The following A3GALT2 variants were observed in gnomAD, a reference collection of about 807,000 sequenced individuals.
A3GALT2 encodes alpha-1,3-galactosyltransferase 2.
A3GALT2 carries 14 observed loss-of-function variants against 16.6 expected under a neutral mutation model. The ratio of observed to expected loss-of-function variants is 0.84; its 90% CI spans 0.56 to 1.32. The LOEUF (loss-of-function observed/expected upper bound fraction) is 1.32. Ranked by LOEUF, A3GALT2 falls within the 40% of genes most tolerant of loss-of-function variation. A3GALT2 has a pLI of 0.00. For missense variants in A3GALT2, 600 were observed against 490.9 expected (o/e 1.22, Z -2.10); for synonymous variants, 253 against 218.0 (o/e 1.16, Z -1.42).
intron 4 of A3GALT2, among the ~76,000 whole-genome samples, chr1:33,310,059 C>T (rs1455702828): frequency 3.3e-5 from 5 of 152,250 alleles, no homozygotes; most frequent in African/African-American, 7.2e-5. Context: ...CCCGGCACCT[C>T]GGGAGGCCGA....
intron 3 of A3GALT2, 25 bp downstream of exon 3, chr1:33,312,476 A>G: frequency 6.4e-7 from 1 of 1,556,078 alleles, no homozygotes; most frequent in Non-Finnish European, 8.7e-7. Flanking sequence ...GTGCCCTTGG[A>G]GTAGGAGGGA....
chr1:33,312,659 G>A, intron 2 of A3GALT2, 69 bp from the exon 3 acceptor site: 1 of 1,479,102 alleles, frequency 6.8e-7, no homozygotes, highest in Non-Finnish European at 9.2e-7. Flanking sequence ...GGAGCCCTCT[G>A]GCTTTGCTTC....
At chr1:33,309,418 C>T (rs1193868806) in intron 4 of A3GALT2, among the ~76,000 whole-genome samples, 53 of 148,528 alleles carry the variant, frequency 3.6e-4, no homozygotes, top group Non-Finnish European at 4.0e-4. Context: ...CCCTCCCGGA[C>T]GGGGCGGCTG....
In A3GALT2 at chr1:33,307,162, C is replaced by A; in HGVS notation, c.627G>T (p.Gly209=). ...DVDQHFSGTF[G]PEALAESVAQ... ...CCACCGACTCGGCCAGCGCCTCGGG[C>A]CCAAAAGTGCCGCTGAAGTGCTGGT... The change falls in exon 5 of 5, where the codon GGG becomes GGT. Residue 209 remains glycine, a synonymous_variant. Coordinates refer to ENST00000442999, the MANE Select transcript of A3GALT2 (RefSeq NM_001080438.1). The A allele has an allele frequency of 6.4e-7, 1 of 1,553,028 alleles. No homozygotes were observed. The highest frequency in any genetic ancestry group is 1.9e-5 in the Admixed American group (1 of 52,546).
At chr1:33,315,031 G>A (rs915891829) in intron 1 of A3GALT2, among the ~76,000 whole-genome samples, 20 of 152,154 alleles carry the variant, frequency 1.3e-4, no homozygotes, top group African/African-American at 4.6e-4. Context: ...AGAATTGCTT[G>A]AGGCCAGGAG....
intron 1 of A3GALT2, among the ~76,000 whole-genome samples, chr1:33,318,925 A>G (rs560037938): frequency 1.3e-5 from 2 of 152,318 alleles, no homozygotes; most frequent in African/African-American, 4.8e-5. Context: ...CGAATGAGTT[A>G]TTTGTGTTCA....
At position 33,320,323 on chromosome 1, in the gene A3GALT2, G is replaced by A. The variant is rs1271259217; in HGVS notation, c.23+753C>T. ...AGGGGCTTTCTCCCCCTCTGTGGCT[G>A]TCCCACCCTCTTCACCAGCCTCCTC... On this transcript the variant is annotated intron_variant, in intron 1 of 4. Coordinates refer to ENST00000442999, the MANE Select transcript of A3GALT2 (RefSeq NM_001080438.1). The surrounding 1 kb of genome is among the most constrained non-coding windows in gnomAD (Gnocchi z 4.3). Among the ~76,000 whole-genome samples the A allele has an allele frequency of 6.6e-6, 1 of 152,076 alleles. No individual in the cohort carries two copies. The highest frequency in any genetic ancestry group is 1.5e-5 in the Non-Finnish European group (1 of 68,036).
At chr1:33,309,382 G>A (rs1421505326) in intron 4 of A3GALT2, among the ~76,000 whole-genome samples, 1 of 150,544 alleles carries the variant, frequency 6.6e-6, no homozygotes, top group Non-Finnish European at 1.5e-5. Flanking sequence ...ACGGGGGGCT[G>A]GCCGGGCGGG....
At chr1:33,311,964 G>T in intron 4 of A3GALT2, 88 bp downstream of exon 4, 2 of 1,544,222 alleles carry the variant, frequency 1.3e-6, no homozygotes, top group East Asian at 4.6e-5. Context: ...CCATGGCACA[G>T]GGGAGCAGGG....
intron 4 of A3GALT2, among the ~76,000 whole-genome samples, chr1:33,311,497 T>C (rs1275472326): frequency 6.6e-6 from 1 of 152,158 alleles, no homozygotes; most frequent in Non-Finnish European, 1.5e-5. Context: ...CCTTGCCACT[T>C]CAGTATTTGT....
intron 1 of A3GALT2, among the ~76,000 whole-genome samples, chr1:33,318,408 C>T (rs1646270739): frequency 6.6e-6 from 1 of 152,040 alleles, no homozygotes; most frequent in Non-Finnish European, 1.5e-5. Context: ...CATTCACTCT[C>T]CCCTTCCTGT....
chr1:33,310,602 T>C (rs1442431353), intron 4 of A3GALT2, among the ~76,000 whole-genome samples: 1 of 152,222 alleles, frequency 6.6e-6, no homozygotes, highest in Non-Finnish European at 1.5e-5. Context: ...TAGAAACTTG[T>C]ATGTACCATT....
In A3GALT2 at chr1:33,320,978, G is replaced by A. The variant is rs762343618; in HGVS notation, c.23+98C>T. 260 of 1,508,916 alleles carry A rather than the reference G, an allele frequency of 1.7e-4. No homozygotes were observed. Among genetic ancestry groups the A allele is most frequent in the Non-Finnish European group, 2.3e-4 (252 of 1,089,568 alleles). The allele number at this position is 1,508,916 out of a possible 1,614,324, so 93.5% of individuals were successfully genotyped here. ...AGCTGGTACTCCTGGGCTCACTCTG[G>A]TGCCTCCCCTTGGTACTGTTTTAGC... is the stretch of plus-strand genomic sequence containing the variant. On this transcript the variant is annotated intron_variant, in intron 1 of 4. Transcript: ENST00000442999. The surrounding 1 kb of genome is among the most constrained non-coding windows in gnomAD (Gnocchi z 4.3).
chr1:33,315,353 G>A (rs955060446), intron 1 of A3GALT2, among the ~76,000 whole-genome samples: 25 of 145,072 alleles, frequency 1.7e-4, no homozygotes, highest in African/African-American at 6.0e-4. Flanking sequence ...CTGTACTCCA[G>A]CCTGGTGACA....
At position 33,307,219 on chromosome 1, in the gene A3GALT2, G is replaced by GCGGCCCGGCAGC. The variant is rs1475870698; in HGVS notation, c.558_569dup (p.Leu187_Arg190dup). The GCGGCCCGGCAGC allele has an allele frequency of 6.7e-7, 1 of 1,502,860 alleles. No individual in the cohort carries two copies. The highest frequency in any genetic ancestry group is 1.5e-5 in the African/African-American group (1 of 68,954). 93.1% of individuals were successfully genotyped at this position (1,502,860 alleles called of 1,614,324 possible). On this transcript the variant is annotated inframe_insertion, in exon 5 of 5. Coordinates refer to ENST00000442999, the MANE Select transcript of A3GALT2 (RefSeq NM_001080438.1). ...CCATGCAGAACATGAAGTGCGCCTC[G>GCGGCCCGGCAGC]CGGCCCGGCAGCCCGCCCAGCGCCG...
chr1:33,311,332 C>T lies in A3GALT2; in HGVS notation c.335+720G>A, dbSNP rs572367532. On this transcript the variant is annotated intron_variant, in intron 4 of 4. Coordinates refer to ENST00000442999, the MANE Select transcript of A3GALT2 (RefSeq NM_001080438.1). Reference sequence around the variant, plus strand: ...CGTGCCCTCCACGGTCACCTGTTCCCTTCACAGTTACCTGTTCCCATGGCT... The same window carrying T: ...CGTGCCCTCCACGGTCACCTGTTCCTTTCACAGTTACCTGTTCCCATGGCT... Among the ~76,000 whole-genome samples the T allele has an allele frequency of 1.1e-4, 16 of 152,268 alleles. No homozygotes were observed. The South Asian group carries it at 2.9e-3, about 28-fold the overall frequency.
chr1:33,310,798 T>C (rs1465395986), intron 4 of A3GALT2, among the ~76,000 whole-genome samples: 1 of 152,218 alleles, frequency 6.6e-6, no homozygotes, highest in East Asian at 1.9e-4. Flanking sequence ...TTTCTGTACA[T>C]TGAGTGTCTG....
chr1:33,306,970 C>A lies in A3GALT2; in HGVS notation c.819G>T (p.Ala273=), dbSNP rs777391335. 4.1e-5 allele frequency: 61 copies of A among 1,488,976 alleles called. No homozygotes were observed. The East Asian group carries it at 1.1e-3, about 26-fold the overall frequency. 92.2% of individuals were successfully genotyped at this position (1,488,976 alleles called of 1,614,324 possible). Residue 273 remains alanine (A), a synonymous_variant, in exon 5 of 5, where the codon GCG becomes GCT. Coordinates refer to ENST00000442999, the MANE Select transcript of A3GALT2 (RefSeq NM_001080438.1). ...GCGCGCGGTCCCAGTCCAGGCCCCC[C>A]GCACAGTGCGCCGTCAGCCCGCGCA... ...AALRGLTAHC[A]GGLDWDRARG... is the part of the protein sequence containing the mutation.
intron 4 of A3GALT2, among the ~76,000 whole-genome samples, chr1:33,310,306 AG>A (rs1646227468): frequency 2.0e-5 from 3 of 151,650 alleles, no homozygotes; most frequent in Admixed American, 6.6e-5. Flanking sequence ...AGAGAGGGAG[AG>A]GGAGAGGGAG....
Sources: gnomAD v4.1 joint callset for allele counts (sites outside exome capture counted in the v4.1 genomes callset) on GRCh38, gnomAD v4.1.1 for gene constraint, Gnocchi (gnomAD v3.1) non-coding constraint, MANE v1.5 for transcripts, NCBI Gene and HGNC (gene_info 2026-07-23, HGNC 2026-07-21) for gene names.